AEBP2: variants seen among roughly 807,000 people sequenced by gnomAD.
AEBP2 encodes the protein zinc finger protein AEBP2.
Under a neutral mutation model 50.8 loss-of-function variants are expected in AEBP2, and 10 were observed. The ratio of observed to expected loss-of-function variants is 0.20; its 90% CI spans 0.12 to 0.33. The LOEUF (loss-of-function observed/expected upper bound fraction) is 0.33, where lower values mean the gene tolerates loss of function less well. Ranked by LOEUF, AEBP2 falls within the 10% of genes least tolerant of loss-of-function variation. The pLI is 1.00. For missense variants in AEBP2, 570 were observed against 688.0 expected, an observed-to-expected ratio of 0.83 and a Z score of 1.92; for synonymous variants, 296 against 261.3, an observed-to-expected ratio of 1.13 and a Z score of -1.28.
rs186551701 is a variant in AEBP2 at position 19,497,628 on chromosome 12, A to G, written c.1175-2469A>G. ...GCTGGGACTACCGGCACACACTACC[A>G]TGCCGGGCTAATTTTTGTATTTTTA... is the stretch of plus-strand genomic sequence containing the variant. On this transcript the variant is annotated intron_variant, in intron 4 of 7. Transcript: ENST00000266508. 1.2e-4 allele frequency among the ~76,000 whole-genome samples: 18 copies of G among 152,158 alleles called. No individual in the cohort carries two copies. The East Asian group carries it at 3.5e-3, about 29-fold the overall frequency.
At chr12:19,460,285 A>G (rs1306303777) in intron 1 of AEBP2, among the ~76,000 whole-genome samples, 1 of 152,214 alleles carries the variant, frequency 6.6e-6, no homozygotes. Flanking sequence ...TAAGCTAACA[A>G]AATTCATGTA....
intron 5 of AEBP2, among the ~76,000 whole-genome samples, chr12:19,504,465 C>T (rs1949127084): frequency 6.6e-6 from 1 of 151,804 alleles, no homozygotes; most frequent in East Asian, 1.9e-4. Flanking sequence ...TGCTCTCGAT[C>T]TCCTGACCTT....
intron 6 of AEBP2, among the ~76,000 whole-genome samples, chr12:19,513,619 C>G (rs1448024558): frequency 6.6e-6 from 1 of 151,964 alleles, no homozygotes; most frequent in South Asian, 2.1e-4. Context: ...AAGAAATTAG[C>G]TGGTTGTGAT....
At chr12:19,477,786 C>T (rs1948670805) in intron 3 of AEBP2, among the ~76,000 whole-genome samples, 1 of 152,158 alleles carries the variant, frequency 6.6e-6, no homozygotes, top group Non-Finnish European at 1.5e-5. Context: ...TAGGGTGATA[C>T]TGGCTTCATA....
intron 2 of AEBP2, among the ~76,000 whole-genome samples, chr12:19,471,994 G>A (rs1948580827): frequency 6.6e-6 from 1 of 152,122 alleles, no homozygotes. Context: ...CATACTTAAA[G>A]AAACTAGCAA....
intron 1 of AEBP2, among the ~76,000 whole-genome samples, chr12:19,452,267 A>G (rs1948176774): frequency 6.6e-6 from 1 of 152,236 alleles, no homozygotes; most frequent in South Asian, 2.1e-4. Context: ...TGCTGGGATT[A>G]CAGGCAAGAG....
intron 7 of AEBP2, 99 bp from the exon 8 acceptor site, chr12:19,517,988 C>CACATTGCCTGTATCTT: frequency 9.3e-7 from 1 of 1,076,420 alleles, no homozygotes; most frequent in Non-Finnish European, 1.3e-6. Context: ...CTATGATCAT[C>CACATTGCCTGTATCTT]ACATTGCCTG....
intron 2 of AEBP2, among the ~76,000 whole-genome samples, chr12:19,466,047 G>GA (rs1565716928): frequency 6.6e-6 from 1 of 151,872 alleles, no homozygotes; most frequent in African/African-American, 2.4e-5. Context: ...AGGAGGACTT[G>GA]ATCATCCTCC....
Position 19,455,613 on chromosome 12 carries a change from A to C in AEBP2, c.672-6897A>C, listed in dbSNP as rs896753359. 2.6e-5 allele frequency among the ~76,000 whole-genome samples: 4 copies of C among 152,196 alleles called. No homozygotes were observed. The East Asian group carries it at 7.7e-4, about 29-fold the overall frequency. ...TGCCTAGAAGTAATTTAAGACTCAAAGTTGGGGCTGTTCTGGATGTATGAG... is the reference window on the plus strand; with the variant it reads ...TGCCTAGAAGTAATTTAAGACTCAACGTTGGGGCTGTTCTGGATGTATGAG... On this transcript the variant is annotated intron_variant, in intron 1 of 7. Transcript: ENST00000266508.
chr12:19,498,741 T>C (rs576938328), intron 4 of AEBP2, among the ~76,000 whole-genome samples: 1 of 152,288 alleles, frequency 6.6e-6, no homozygotes, highest in Non-Finnish European at 1.5e-5. Flanking sequence ...TTATTATAAT[T>C]AGTGGGATGA....
intron 1 of AEBP2, among the ~76,000 whole-genome samples, chr12:19,429,232 G>T (rs1456279845): frequency 6.6e-6 from 1 of 152,060 alleles, no homozygotes; most frequent in Non-Finnish European, 1.5e-5. Flanking sequence ...GCGGTGTTTG[G>T]TTTTTTGTCC....
chr12:19,458,095 C>T (rs1248799503), intron 1 of AEBP2, among the ~76,000 whole-genome samples: 1 of 152,158 alleles, frequency 6.6e-6, no homozygotes, highest in East Asian at 1.9e-4. Flanking sequence ...GGTGGATTGT[C>T]TCTTGTTACA....
intron 1 of AEBP2, among the ~76,000 whole-genome samples, chr12:19,433,324 G>C (rs1206403258): frequency 6.6e-6 from 1 of 152,106 alleles, no homozygotes; most frequent in African/African-American, 2.4e-5. Flanking sequence ...GGAGGCAGAG[G>C]TTGCAGTGAG....
chr12:19,412,776 G>A (rs1049874923), intron 1 of AEBP2, among the ~76,000 whole-genome samples: 53 of 152,110 alleles, frequency 3.5e-4, no homozygotes, highest in African/African-American at 1.2e-3. Context: ...CTTGGATTTC[G>A]TGCAAGAAAG....
At chr12:19,514,577 C>A in intron 6 of AEBP2, 94 bp from the exon 7 acceptor site, 3 of 971,486 alleles carry the variant, frequency 3.1e-6, no homozygotes, top group South Asian at 1.6e-5. Flanking sequence ...GTGGACTGAT[C>A]AAAGTAGCAG....
chr12:19,485,485 T>C lies in AEBP2; in HGVS notation c.988-8315T>C, dbSNP rs190129797. 7.2e-4 allele frequency among the ~76,000 whole-genome samples: 110 copies of C among 151,980 alleles called. No homozygotes were observed. In the East Asian group the frequency reaches 0.017, roughly 23 times the overall value. On this transcript the variant is annotated intron_variant, in intron 3 of 7. Transcript: ENST00000266508. ...ACTTTGGGAGGCTGACACAAGCAGA[T>C]TGCTTAAGCCCAGGAGTTTGAGACC... is the stretch of plus-strand genomic sequence containing the variant.
At chr12:19,446,917 T>A (rs1948080083) in intron 1 of AEBP2, among the ~76,000 whole-genome samples, 1 of 151,692 alleles carries the variant, frequency 6.6e-6, no homozygotes, top group African/African-American at 2.4e-5. Context: ...ACAGCAAGAC[T>A]CTCACAAAAA....
chr12:19,420,572 T>G (rs2961364), intron 1 of AEBP2, among the ~76,000 whole-genome samples: 2 of 150,890 alleles, frequency 1.3e-5, no homozygotes, highest in Non-Finnish European at 3.0e-5. Context: ...GTGATCTGCC[T>G]GCCTCTGCCT....
intron 3 of AEBP2, among the ~76,000 whole-genome samples, chr12:19,488,341 T>C (rs1948845060): frequency 6.6e-6 from 1 of 150,426 alleles, no homozygotes; most frequent in East Asian, 2.0e-4. Flanking sequence ...TTGGCTAGGC[T>C]GGTCTCGAGC....
Sources: allele counts gnomAD v4.1 joint callset (sites outside exome capture counted in the v4.1 genomes callset), GRCh38; gene constraint gnomAD v4.1.1; transcripts MANE v1.5; gene names NCBI Gene and HGNC (gene_info 2026-07-23, HGNC 2026-07-21).